The following RALYL variants were observed in gnomAD, a reference collection of about 807,000 sequenced individuals.
The protein encoded by RALYL is RALY RNA binding protein like.
Under a neutral mutation model 35.1 loss-of-function variants are expected in RALYL, and 29 were observed. The ratio of observed to expected loss-of-function variants is 0.83; its 90% confidence interval spans 0.61 to 1.13. The LOEUF (loss-of-function observed/expected upper bound fraction) is 1.13, where lower values mean the gene tolerates loss of function less well. Ranked by LOEUF, RALYL falls within the 50% of genes most tolerant of loss-of-function variation. The pLI is 0.00. For synonymous variants in RALYL, 120 were observed against 127.6 expected, an observed-to-expected ratio of 0.94 and a Z score of 0.40; for missense variants, 359 against 360.4, an observed-to-expected ratio of 1.00 and a Z score of 0.03.
At chr8:84,708,921 CA>C (rs1460250712) in intron 2 of RALYL, among the ~76,000 whole-genome samples, 1 of 152,048 alleles carries the variant, frequency 6.6e-6, no homozygotes, top group Non-Finnish European at 1.5e-5. Flanking sequence ...TGTGCCATGG[CA>C]AAGAAAACAG....
chr8:84,225,148 C>T (rs1049975050), intron 1 of RALYL, among the ~76,000 whole-genome samples: 5 of 152,156 alleles, frequency 3.3e-5, no homozygotes, highest in African/African-American at 9.7e-5. Flanking sequence ...TTGCCTTGCT[C>T]TTATTTTCTG....
intron 8 of RALYL, among the ~76,000 whole-genome samples, chr8:84,896,440 C>T (rs1844754633): frequency 6.6e-6 from 1 of 152,214 alleles, no homozygotes; most frequent in Non-Finnish European, 1.5e-5. Context: ...CAAAGAGCTG[C>T]CAATTTGGCT....
Position 84,904,502 on chromosome 8 carries a change from TAAG to T in RALYL, c.859-16389_859-16387del, listed in dbSNP as rs1259702679. On this transcript the variant is annotated intron_variant, in intron 8 of 8. Coordinates refer to ENST00000521268, the MANE Select transcript of RALYL (RefSeq NM_173848.7). ...GAGAACCAAAAGAATTTTATTTCTATAAGAAAATAATTTCAAAATATGTGAACA... is the reference window on the plus strand; with the variant it reads ...GAGAACCAAAAGAATTTTATTTCTATAAAATAATTTCAAAATATGTGAACA... Among the ~76,000 whole-genome samples, 15 of 152,270 alleles carry T rather than the reference TAAG, an allele frequency of 9.9e-5. No individual in the cohort carries two copies. The East Asian group carries it at 2.7e-3, about 27-fold the overall frequency.
At chr8:84,864,724 G>T (rs1333770398) in intron 6 of RALYL, 3 of 567,368 alleles carry the variant, frequency 5.3e-6, no homozygotes, top group Non-Finnish European at 1.0e-5. Flanking sequence ...AGATACTTGA[G>T]TCAGGGAGCT....
In RALYL at chr8:84,774,564, AT is replaced by A; in HGVS notation, c.257-11del. 1 of 1,568,310 alleles carries A rather than the reference AT, an allele frequency of 6.4e-7. No individual in the cohort carries two copies. The highest frequency in any genetic ancestry group is 8.7e-7 in the Non-Finnish European group (1 of 1,148,132). ...GTATTTTCTTAATCAGTACTGTTTT[AT>A]TTTATGCTTTCAGATATCAACATGG... is the stretch of plus-strand genomic sequence containing the variant. On this transcript the variant is annotated splice_polypyrimidine_tract_variant and intron_variant, in intron 2 of 8. Coordinates refer to ENST00000521268, the MANE Select transcript of RALYL (RefSeq NM_173848.7).
intron 1 of RALYL, among the ~76,000 whole-genome samples, chr8:84,518,713 CT>C (rs1478340583): frequency 6.6e-6 from 1 of 152,094 alleles, no homozygotes; most frequent in East Asian, 1.9e-4. Flanking sequence ...GATTTAAGAC[CT>C]TTCACTTTAG....
chr8:84,592,669 C>T (rs1008913554), intron 2 of RALYL, among the ~76,000 whole-genome samples: 8 of 151,938 alleles, frequency 5.3e-5, no homozygotes, highest in Non-Finnish European at 1.2e-4. Context: ...GGGACATATC[C>T]CACAATAGTA....
chr8:84,706,653 G>GGGAA, intron 2 of RALYL, among the ~76,000 whole-genome samples: 1 of 152,240 alleles, frequency 6.6e-6, no homozygotes, highest in East Asian at 1.9e-4. Flanking sequence ...CTTCCCTAAA[G>GGGAA]GAACTGATTC....
intron 1 of RALYL, among the ~76,000 whole-genome samples, chr8:84,398,108 T>C (rs952129811): frequency 1.3e-5 from 2 of 152,194 alleles, no homozygotes; most frequent in African/African-American, 4.8e-5. Context: ...GCTATTAAGA[T>C]GGAAGACATT....
intron 2 of RALYL, among the ~76,000 whole-genome samples, chr8:84,571,806 G>A (rs961794265): frequency 6.6e-6 from 1 of 151,524 alleles, no homozygotes; most frequent in Non-Finnish European, 1.5e-5. Flanking sequence ...TTTGTTTATA[G>A]TTTGTCTATT....
rs186973426 is a variant in RALYL at position 84,343,985 on chromosome 8, T to C, written c.-24+159561T>C. On this transcript the variant is annotated intron_variant, in intron 1 of 8. Transcript: ENST00000521268. Reference sequence around the variant, plus strand: ...CTGCGGTGATATATGGCAATTGTTTTACTGATTATGTTTAGAAAAATCCCC... The same window carrying C: ...CTGCGGTGATATATGGCAATTGTTTCACTGATTATGTTTAGAAAAATCCCC... Among the ~76,000 whole-genome samples, 466 of 152,208 alleles carry C rather than the reference T, an allele frequency of 3.1e-3. 10 individuals carry two copies. In the South Asian group the frequency reaches 0.041, roughly 13 times the overall value.
At chr8:84,191,924 G>A (rs2130879414) in intron 1 of RALYL, among the ~76,000 whole-genome samples, 1 of 152,252 alleles carries the variant, frequency 6.6e-6, no homozygotes, top group Middle Eastern at 3.4e-3. Flanking sequence ...TCTCAGTGAA[G>A]TAAGTGATTC....
In RALYL at chr8:84,873,360, C is replaced by T. The variant is rs1308215010; in HGVS notation, c.648C>T (p.Arg216=). 1 of 1,600,824 alleles carries T rather than the reference C, an allele frequency of 6.2e-7. No individual in the cohort carries two copies. The highest frequency in any genetic ancestry group is 1.1e-5 in the South Asian group (1 of 88,446). Reference sequence around the variant, plus strand: ...CTAAAATTGACTCCTTGCTAGGGCGCCTGGAGAAGATTGAGAAACAGCAGA... The same window carrying T: ...CTAAAATTGACTCCTTGCTAGGGCGTCTGGAGAAGATTGAGAAACAGCAGA... ...IKTKIDSLLG[R]LEKIEKQQKA... Residue 216 remains arginine (R), a synonymous_variant, in exon 7 of 9, where the codon CGC becomes CGT. Transcript: ENST00000521268.
chr8:84,885,176 A>C (rs914127832), intron 7 of RALYL, among the ~76,000 whole-genome samples: 1 of 152,134 alleles, frequency 6.6e-6, no homozygotes, highest in Non-Finnish European at 1.5e-5. Flanking sequence ...ACAATGAATG[A>C]TATGTGGAAG....
At chr8:84,347,283 C>A (rs1850018442) in intron 1 of RALYL, among the ~76,000 whole-genome samples, 1 of 151,950 alleles carries the variant, frequency 6.6e-6, no homozygotes, top group Non-Finnish European at 1.5e-5. Flanking sequence ...ATAATAAGCC[C>A]TTGACTTCTT....
At chr8:84,483,304 A>G (rs1654402192) in intron 1 of RALYL, among the ~76,000 whole-genome samples, 5 of 152,116 alleles carry the variant, frequency 3.3e-5, no homozygotes, top group Admixed American at 3.3e-4. Flanking sequence ...GATTAGATAT[A>G]AACTTTGAAA....
chr8:84,290,111 A>T (rs1219001823), intron 1 of RALYL, among the ~76,000 whole-genome samples: 1 of 152,222 alleles, frequency 6.6e-6, no homozygotes, highest in Non-Finnish European at 1.5e-5. Flanking sequence ...TAAATATTTT[A>T]CTGTATACAT....
rs938396917 is a variant in RALYL at position 84,183,737 on chromosome 8, T to C, written c.-711T>C. On this transcript the variant is annotated 5_prime_UTR_variant, in exon 1 of 9. Coordinates refer to ENST00000521268, the MANE Select transcript of RALYL (RefSeq NM_173848.7). Reference sequence around the variant, plus strand: ...AGGAGCATGGTTTTGAGCCTTTTCCTGAATCCAAGTTTTTCTAGCATGCGA... The same window carrying C: ...AGGAGCATGGTTTTGAGCCTTTTCCCGAATCCAAGTTTTTCTAGCATGCGA... 1.3e-5 allele frequency: 2 copies of C among 152,518 alleles called. No individual in the cohort carries two copies. Among genetic ancestry groups the C allele is most frequent in the African/African-American group, 4.8e-5 (2 of 41,382 alleles). 9.4% of individuals were successfully genotyped at this position (152,518 alleles called of 1,614,324 possible).
At chr8:84,274,294 T>A (rs1834913586) in intron 1 of RALYL, among the ~76,000 whole-genome samples, 1 of 152,194 alleles carries the variant, frequency 6.6e-6, no homozygotes, top group Non-Finnish European at 1.5e-5. Flanking sequence ...TGTATTTGAT[T>A]TACTATTATC....
Sources: gnomAD v4.1 joint callset for allele counts (sites outside exome capture counted in the v4.1 genomes callset) on GRCh38, gnomAD v4.1.1 for gene constraint, MANE v1.5 for transcripts, NCBI Gene and HGNC (gene_info 2026-07-23, HGNC 2026-07-21) for gene names.